The following AGBL3 variants were observed in gnomAD, a reference collection of about 807,000 sequenced individuals.
AGBL3 encodes the protein cytosolic carboxypeptidase 3.
A neutral mutation model predicts 94.5 loss-of-function variants in AGBL3; 68 were observed. The ratio of observed to expected loss-of-function variants is 0.72; its 90% CI spans 0.59 to 0.88. The LOEUF is 0.88. Ranked by LOEUF, AGBL3 falls within the 40% of genes least tolerant of loss-of-function variation. AGBL3 has a pLI of 0.00. For missense variants in AGBL3, 934 were observed against 1,103.8 expected (o/e 0.85, Z 2.18); for synonymous variants, 354 against 370.7 (o/e 0.95, Z 0.52).
intron 5 of AGBL3, among the ~76,000 whole-genome samples, chr7:135,021,763 A>G (rs576405409): frequency 7.6e-4 from 114 of 150,260 alleles, no homozygotes; most frequent in African/African-American, 2.6e-3. Flanking sequence ...TCAACCTGTC[A>G]CCTAGGTTTT....
chr7:135,014,926 AC>A (rs1813589860), intron 4 of AGBL3, among the ~76,000 whole-genome samples: 1 of 152,214 alleles, frequency 6.6e-6, no homozygotes, highest in African/African-American at 2.4e-5. Context: ...GAACTAGGAA[AC>A]ATATTTGCTA....
intron 5 of AGBL3, among the ~76,000 whole-genome samples, chr7:135,025,366 G>C (rs994376101): frequency 6.6e-6 from 1 of 151,550 alleles, no homozygotes; most frequent in African/African-American, 2.4e-5. Flanking sequence ...ATCAAACTAA[G>C]CTTCCACAAG....
chr7:135,012,128 A>T (rs1377915596), intron 4 of AGBL3: 1 of 152,206 alleles, frequency 6.6e-6, no homozygotes, highest in East Asian at 1.9e-4. Flanking sequence ...TCATGAATAT[A>T]CGTGAAAAAC....
chr7:135,004,146 A>T (rs961940146), intron 4 of AGBL3, among the ~76,000 whole-genome samples: 2 of 151,736 alleles, frequency 1.3e-5, no homozygotes, highest in African/African-American at 2.4e-5. Context: ...ACCAGAAATT[A>T]TTACTAAACT....
intron 5 of AGBL3, among the ~76,000 whole-genome samples, chr7:135,029,238 T>C (rs547182524): frequency 6.6e-6 from 1 of 152,330 alleles, no homozygotes; most frequent in East Asian, 1.9e-4. Context: ...GGGCATTGAC[T>C]TGACTTCTCT....
At chr7:135,085,349 T>C (rs1345447991) in intron 15 of AGBL3, among the ~76,000 whole-genome samples, 2 of 152,130 alleles carry the variant, frequency 1.3e-5, no homozygotes, top group African/African-American at 4.8e-5. Context: ...GATTTTCAGT[T>C]TGATAGAATT....
At chr7:135,002,161 G>A (rs1309284905) in intron 4 of AGBL3, among the ~76,000 whole-genome samples, 1 of 152,086 alleles carries the variant, frequency 6.6e-6, no homozygotes, top group African/African-American at 2.4e-5. Flanking sequence ...CCACCCCAAG[G>A]TTCAATGATT....
At chr7:135,083,621 C>A (rs555893116) in intron 15 of AGBL3, among the ~76,000 whole-genome samples, 2 of 152,130 alleles carry the variant, frequency 1.3e-5, no homozygotes, top group South Asian at 4.1e-4. Flanking sequence ...GCCAAATATC[C>A]CAATAGTGTT....
intron 15 of AGBL3, 63 bp from the exon 16 acceptor site, chr7:135,115,317 G>A: frequency 9.2e-7 from 1 of 1,088,558 alleles, no homozygotes; most frequent in Non-Finnish European, 1.3e-6. Flanking sequence ...ATATAATAAT[G>A]CCCAATAAGT....
In AGBL3 at chr7:135,096,783, G is replaced by GAAAGAAAT. The variant is rs1554516800; in HGVS notation, c.2110+15000_2110+15001insTAAAGAAA. The stretch of plus-strand genomic sequence containing the variant: ...AGAAAGAAAGAAAGAAAGAAAGAAA[G>GAAAGAAAT]AAAGAAAGAAAAAGGGAAGAAGGAA... On this transcript the variant is annotated intron_variant, in intron 15 of 16. Coordinates refer to ENST00000436302, the MANE Select transcript of AGBL3 (RefSeq NM_178563.4). Among the ~76,000 whole-genome samples the GAAAGAAAT allele has an allele frequency of 9.4e-4, 140 of 148,866 alleles. 2 individuals are homozygous for GAAAGAAAT. The highest frequency in any genetic ancestry group is 3.4e-3 in the African/African-American group (137 of 39,844).
intron 13 of AGBL3, among the ~76,000 whole-genome samples, chr7:135,077,194 A>G (rs1820534719): frequency 6.6e-6 from 1 of 152,130 alleles, no homozygotes; most frequent in African/African-American, 2.4e-5. Context: ...GTCTGTTGCT[A>G]ACTCAGGTGA....
chr7:135,128,857 T>C (rs1585283888), intron 16 of AGBL3: 1 of 1,240,764 alleles, frequency 8.1e-7, no homozygotes, highest in East Asian at 2.3e-5. Context: ...TTGTTAAATA[T>C]GATCCAGGAA....
In AGBL3 at chr7:135,050,996, A is replaced by G. The variant is rs577710986; in HGVS notation, c.1841+5085A>G. 3 of 418,648 alleles carry G rather than the reference A, an allele frequency of 7.2e-6. No individual in the cohort carries two copies. The Admixed American group carries it at 8.8e-5, about 12-fold the overall frequency. The allele number at this position is 418,648 out of a possible 1,614,324, so 25.9% of individuals were successfully genotyped here. A position where few individuals can be genotyped will look rare whatever the true frequency, so the allele number is the denominator to read the frequency against. On this transcript the variant is annotated intron_variant, in intron 11 of 16. Transcript: ENST00000436302. Reference sequence around the variant, plus strand: ...TTTTCTCTTTTCTTCTCTTCAAATTATTTCTAATGCTGTCACTACCCACAG... The same window carrying G: ...TTTTCTCTTTTCTTCTCTTCAAATTGTTTCTAATGCTGTCACTACCCACAG...
At chr7:135,079,815 A>G (rs1264813065) in intron 13 of AGBL3, among the ~76,000 whole-genome samples, 1 of 152,022 alleles carries the variant, frequency 6.6e-6, no homozygotes, top group African/African-American at 2.4e-5. Context: ...TATATTTTAC[A>G]TAATTTTATA....
Position 135,008,276 on chromosome 7 carries a change from G to A in AGBL3, c.311-8776G>A, listed in dbSNP as rs74534368. Among the ~76,000 whole-genome samples, 1,492 of 152,238 alleles carry A rather than the reference G, an allele frequency of 9.8e-3. 20 individuals are homozygous for A. Among genetic ancestry groups the A allele is most frequent in the African/African-American group, 0.034 (1,407 of 41,562 alleles). ...AATTTAGACAGTGTGGTACTGTCAT[G>A]AGGATAGACTTATAGACCAGTGAAT... On this transcript the variant is annotated intron_variant, in intron 4 of 16. Coordinates refer to ENST00000436302, the MANE Select transcript of AGBL3 (RefSeq NM_178563.4).
At position 135,044,763 on chromosome 7, in the gene AGBL3, G is replaced by A. The variant is rs1009025802; in HGVS notation, c.1627+612G>A. Among the ~76,000 whole-genome samples, 5 of 150,946 alleles carry A rather than the reference G, an allele frequency of 3.3e-5. 1 individual carries two copies. The highest frequency in any genetic ancestry group is 9.7e-5 in the African/African-American group (4 of 41,046). On this transcript the variant is annotated intron_variant, in intron 9 of 16. Transcript: ENST00000436302. ...GTTTTAGGGTACATGTGCACAATGT[G>A]CAGGTTAGTTACATATGTATACATG...
intron 16 of AGBL3, among the ~76,000 whole-genome samples, chr7:135,122,579 G>A (rs1827287206): frequency 6.6e-6 from 1 of 152,158 alleles, no homozygotes; most frequent in Non-Finnish European, 1.5e-5. Flanking sequence ...CCACCCAACT[G>A]GGTAAGACCC....
chr7:134,996,057 C>T (rs1810969159), intron 4 of AGBL3, among the ~76,000 whole-genome samples: 1 of 152,158 alleles, frequency 6.6e-6, no homozygotes, highest in African/African-American at 2.4e-5. Context: ...AAAGATTTTA[C>T]AAATTTGGAT....
chr7:134,987,028 T>G (rs1002200624), intron 1 of AGBL3, among the ~76,000 whole-genome samples: 2 of 152,230 alleles, frequency 1.3e-5, no homozygotes, highest in South Asian at 4.1e-4. Context: ...GGAATGGAAT[T>G]TAGGCCAGTC....
Sources: allele counts gnomAD v4.1 joint callset (sites outside exome capture counted in the v4.1 genomes callset), GRCh38; gene constraint gnomAD v4.1.1; transcripts MANE v1.5; gene names NCBI Gene and HGNC (gene_info 2026-07-23, HGNC 2026-07-21).